The following YY1 variants were observed in gnomAD, a reference collection of about 807,000 sequenced individuals.
The protein encoded by YY1 is transcriptional repressor protein YY1.
In YY1, 2 loss-of-function variants were observed where a neutral mutation model predicts 35.6. The ratio of observed to expected loss-of-function variants is 0.06; its 90% CI spans 0.02 to 0.18. The LOEUF (loss-of-function observed/expected upper bound fraction) is 0.18. YY1 is among the 10% of genes least tolerant of loss of function. YY1 has a pLI of 1.00. For missense variants in YY1, 322 were observed against 573.4 expected, an observed-to-expected ratio of 0.56 and a Z score of 4.48; for synonymous variants, 268 against 238.9, an observed-to-expected ratio of 1.12 and a Z score of -1.12.
chr14:100,250,662 C>G (rs1333318998), intron 1 of YY1, among the ~76,000 whole-genome samples: 3 of 152,092 alleles, frequency 2.0e-5, no homozygotes, highest in Non-Finnish European at 2.9e-5. Flanking sequence ...AGTGGTAGTA[C>G]TGGCATTTTT....
Position 100,239,676 on chromosome 14 carries a change from C to T in YY1, c.432C>T (p.Asp144=), listed in dbSNP as rs775885326. ...CCGCGCCGGCCGGCGGCGACGACGA[C>T]TACATTGAACAAACGCTGGTCACCG... is the stretch of plus-strand genomic sequence containing the variant. The part of the protein sequence containing the change: ...PVPAPAGGDD[D]YIEQTLVTVA... The change falls in exon 1 of 5, where the codon GAC becomes GAT. Residue 144 remains aspartate, a synonymous_variant. Transcript: ENST00000262238. The T allele has an allele frequency of 2.5e-6, 4 of 1,607,864 alleles. No individual in the cohort carries two copies. Among genetic ancestry groups the T allele is most frequent in the Non-Finnish European group, 3.4e-6 (4 of 1,179,426 alleles).
Position 100,278,963 on chromosome 14 carries a change from C to T in YY1, c.*1363C>T, listed in dbSNP as rs143029462. ...ATTTGGTTTGAGAGCCCTTGTTCCT[C>T]CATCTAGTGGAGTCCTTATTAAATG... On this transcript the variant is annotated 3_prime_UTR_variant, in exon 5 of 5. Coordinates refer to ENST00000262238, the MANE Select transcript of YY1 (RefSeq NM_003403.5). 1.3e-5 allele frequency: 2 copies of T among 152,314 alleles called. No homozygotes were observed. The highest frequency in any genetic ancestry group is 4.8e-5 in the African/African-American group (2 of 41,562). The allele number at this position is 152,314 out of a possible 1,614,324, so 9.4% of individuals were successfully genotyped here.
At chr14:100,255,408 C>G (rs1217787792) in intron 1 of YY1, among the ~76,000 whole-genome samples, 1 of 152,064 alleles carries the variant, frequency 6.6e-6, no homozygotes. Context: ...CACCTGAGAT[C>G]AGGAGTTAGA....
chr14:100,240,310 G>T (rs1327471238), intron 1 of YY1, among the ~76,000 whole-genome samples: 1 of 146,490 alleles, frequency 6.8e-6, no homozygotes, highest in Non-Finnish European at 1.5e-5. Context: ...CCCCCGGCCC[G>T]GGCGGGACGC....
chr14:100,268,115 A>C (rs934068686), intron 2 of YY1, among the ~76,000 whole-genome samples: 2 of 152,184 alleles, frequency 1.3e-5, no homozygotes, highest in Admixed American at 1.3e-4. Context: ...CTTCGCCCCC[A>C]GCACTCACAG....
chr14:100,244,651 C>T (rs1421632497), intron 1 of YY1, among the ~76,000 whole-genome samples: 3 of 149,872 alleles, frequency 2.0e-5, no homozygotes, highest in Admixed American at 6.7e-5. Context: ...GAGACAGTCA[C>T]GGCTCACGGC....
chr14:100,248,643 G>C (rs1239422424), intron 1 of YY1, among the ~76,000 whole-genome samples: 1 of 150,070 alleles, frequency 6.7e-6, no homozygotes, highest in Non-Finnish European at 1.5e-5. Flanking sequence ...GCTGGGACTA[G>C]AGGTGTGTGC....
chr14:100,277,339 T>C lies in YY1; in HGVS notation c.1063-79T>C, dbSNP rs778637299. ...TTGGTAAAATAAATAGGCTGTTCTC[T>C]AGCAAAGCAGTGAGCTCCTGACTCC... On this transcript the variant is annotated intron_variant, in intron 4 of 4. Transcript: ENST00000262238. The surrounding 1 kb of genome is among the most constrained non-coding windows in gnomAD (Gnocchi z 5.6). The C allele has an allele frequency of 1.1e-4, 175 of 1,524,566 alleles. No homozygotes were observed. Among genetic ancestry groups the C allele is most frequent in the South Asian group, 3.7e-4 (33 of 89,160 alleles). The allele number at this position is 1,524,566 out of a possible 1,614,324, so 94.4% of individuals were successfully genotyped here.
intron 1 of YY1, among the ~76,000 whole-genome samples, chr14:100,260,338 G>A (rs1282499830): frequency 2.0e-5 from 3 of 150,768 alleles, no homozygotes; most frequent in African/African-American, 7.3e-5. Flanking sequence ...AGCCACTGTG[G>A]CCTGGCCGAG....
At chr14:100,266,517 G>C (rs952671508) in intron 2 of YY1, among the ~76,000 whole-genome samples, 4 of 152,094 alleles carry the variant, frequency 2.6e-5, no homozygotes, top group African/African-American at 9.7e-5. Flanking sequence ...CTAAAAGTTT[G>C]TCCCCAGTCT....
At chr14:100,257,240 C>A (rs11625658) in intron 1 of YY1, among the ~76,000 whole-genome samples, 38,256 of 152,106 alleles carry the variant, frequency 0.25, 4,903 homozygotes, top group Middle Eastern at 0.37. Flanking sequence ...CATTTGACTT[C>A]CCTCACTAGA....
Position 100,277,947 on chromosome 14 carries a change from T to G in YY1, c.*347T>G, listed in dbSNP as rs1891348903. On this transcript the variant is annotated 3_prime_UTR_variant, in exon 5 of 5. Transcript: ENST00000262238. The surrounding 1 kb of genome is among the most constrained non-coding windows in gnomAD (Gnocchi z 5.6). ...ACTTCTTTTCACATTCTTATAAATA[T>G]GAAGCTCACCTGTTGCTTACAATTT... is the stretch of plus-strand genomic sequence containing the variant. The G allele has an allele frequency of 3.8e-6, 1 of 263,108 alleles. No individual in the cohort carries two copies. The highest frequency in any genetic ancestry group is 7.4e-6 in the Non-Finnish European group (1 of 135,940). 16.3% of individuals were successfully genotyped at this position (263,108 alleles called of 1,614,324 possible). A position where few individuals can be genotyped will look rare whatever the true frequency, so the allele number is the denominator to read the frequency against.
Position 100,239,341 on chromosome 14 carries a change from G to C in YY1, c.97G>C (p.Val33Leu), listed in dbSNP as rs770757387. ...CGAGATCGAGGTGGAGACCATCCCG[G>C]TGGAGACCATCGAGACCACAGTGGT... ...LHEIEVETIP[V>L]ETIETTVVGE... The change falls in exon 1 of 5, where the codon GTG becomes CTG. Residue 33 changes from valine to leucine, a missense_variant. By Grantham distance (32) the Val-to-Leu change is conservative. Around this residue, in one of 4 missense-constraint regions of YY1, gnomAD observed 137 missense variants for 167.0 expected, o/e 0.82. Transcript: ENST00000262238. 3.1e-6 allele frequency: 5 copies of C among 1,605,404 alleles called. No individual in the cohort carries two copies. The highest frequency in any genetic ancestry group is 4.2e-6 in the Non-Finnish European group (5 of 1,176,672).
In YY1 at chr14:100,276,657, A is replaced by G. The variant is rs752799069; in HGVS notation, c.1062+9A>G. Reference sequence around the variant, plus strand: ...GAGAGAAGCCCTTTCAGGTAGAGCCAGTTCCCTCTCTTCCCCACACTGCCT... The same window carrying G: ...GAGAGAAGCCCTTTCAGGTAGAGCCGGTTCCCTCTCTTCCCCACACTGCCT... On this transcript the variant is annotated intron_variant, in intron 4 of 4. Transcript: ENST00000262238. This position sits in a 1 kb window ranked among gnomAD's most constrained non-coding sequence, Gnocchi z 4.1. 1.2e-6 allele frequency: 2 copies of G among 1,614,038 alleles called. No individual in the cohort carries two copies. Among genetic ancestry groups the G allele is most frequent in the African/African-American group, 2.7e-5 (2 of 74,946 alleles).
intron 1 of YY1, among the ~76,000 whole-genome samples, chr14:100,257,060 A>G (rs1354121018): frequency 6.6e-6 from 1 of 152,106 alleles, no homozygotes; most frequent in Admixed American, 6.6e-5. Context: ...CAGTGTTGGT[A>G]GTGTATGCCA....
At chr14:100,250,269 T>G (rs1890904372) in intron 1 of YY1, among the ~76,000 whole-genome samples, 1 of 152,216 alleles carries the variant, frequency 6.6e-6, no homozygotes, top group Non-Finnish European at 1.5e-5. Flanking sequence ...AAACAACCTA[T>G]GTCTGATTTT....
intron 1 of YY1, among the ~76,000 whole-genome samples, chr14:100,246,975 A>G (rs779862858): frequency 6.6e-6 from 1 of 152,160 alleles, no homozygotes; most frequent in Non-Finnish European, 1.5e-5. Flanking sequence ...TCTCCCCTCC[A>G]GGTTATTAAC....
intron 2 of YY1, 112 bp from the exon 3 acceptor site, chr14:100,274,584 CAT>C: frequency 1.2e-6 from 1 of 843,082 alleles, no homozygotes; most frequent in Middle Eastern, 2.4e-4. Flanking sequence ...GGAAATGTAT[CAT>C]AATTTTAGTT....
chr14:100,248,601 C>A (rs1262430093), intron 1 of YY1, among the ~76,000 whole-genome samples: 5 of 151,734 alleles, frequency 3.3e-5, no homozygotes, highest in Non-Finnish European at 7.4e-5. Flanking sequence ...CTCCTGGGCT[C>A]AAGCGGTTCT....
Sources: allele counts gnomAD v4.1 joint callset (sites outside exome capture counted in the v4.1 genomes callset), GRCh38; gene constraint gnomAD v4.1.1; regional missense constraint gnomAD v4.1.1; non-coding constraint Gnocchi (gnomAD v3.1); transcripts MANE v1.5; gene names NCBI Gene and HGNC (gene_info 2026-07-23, HGNC 2026-07-21).